Variants in ZCCHC17 observed in about 807,000 individuals in gnomAD.
The protein encoded by ZCCHC17 is zinc finger CCHC domain-containing protein 17.
ZCCHC17 carries 18 observed loss-of-function variants against 30.6 expected under a neutral mutation model. The ratio of observed to expected loss-of-function variants is 0.59; its 90% CI spans 0.41 to 0.87. The LOEUF (loss-of-function observed/expected upper bound fraction) is 0.87, where lower values mean the gene tolerates loss of function less well. Among genes scored for constraint, ZCCHC17 ranks in the 40% least tolerant of loss-of-function variants. The probability of loss-of-function intolerance (pLI) is 0.00; values close to 1 mark genes in which losing one functional copy is unlikely to be tolerated. For missense variants in ZCCHC17, 263 were observed against 284.2 expected, an observed-to-expected ratio of 0.93 and a Z score of 0.54; for synonymous variants, 88 against 92.4, an observed-to-expected ratio of 0.95 and a Z score of 0.27.
At chr1:31,336,078 T>C (rs560237688) in intron 3 of ZCCHC17, among the ~76,000 whole-genome samples, 2 of 152,112 alleles carry the variant, frequency 1.3e-5, no homozygotes, top group African/African-American at 2.4e-5. Context: ...ATGTATGTAT[T>C]TATTTATTTG....
At chr1:31,355,984 T>G (rs1639630309) in intron 7 of ZCCHC17, among the ~76,000 whole-genome samples, 1 of 152,184 alleles carries the variant, frequency 6.6e-6, no homozygotes, top group South Asian at 2.1e-4. Flanking sequence ...GAGCCAAATA[T>G]GGAACTGAGT....
At chr1:31,309,496 G>A (rs1334348983) in intron 1 of ZCCHC17, among the ~76,000 whole-genome samples, 7 of 152,000 alleles carry the variant, frequency 4.6e-5, no homozygotes, top group African/African-American at 1.7e-4. Context: ...TGTATTTTTA[G>A]TAGAGATGGG....
chr1:31,310,713 A>G (rs1646580152), intron 2 of ZCCHC17, among the ~76,000 whole-genome samples: 1 of 152,262 alleles, frequency 6.6e-6, no homozygotes, highest in Admixed American at 6.5e-5. Context: ...TCATTTCTTT[A>G]TAAATTATCC....
At chr1:31,308,432 G>A (rs4949203) in intron 1 of ZCCHC17, among the ~76,000 whole-genome samples, 119,051 of 152,120 alleles carry the variant, frequency 0.78, 46,994 homozygotes, top group African/African-American at 0.84. Flanking sequence ...ATTGTAAATC[G>A]GGAATACTTA....
chr1:31,347,573 C>T (rs1374549157), intron 6 of ZCCHC17, among the ~76,000 whole-genome samples: 1 of 152,168 alleles, frequency 6.6e-6, no homozygotes, highest in African/African-American at 2.4e-5. Flanking sequence ...ATTTCCCTGC[C>T]AGGTGCCACC....
chr1:31,342,515 A>G (rs1230530385), intron 5 of ZCCHC17, among the ~76,000 whole-genome samples: 1 of 152,098 alleles, frequency 6.6e-6, no homozygotes, highest in African/African-American at 2.4e-5. Flanking sequence ...TTGGGATGAA[A>G]CCGTTCCACC....
intron 7 of ZCCHC17, among the ~76,000 whole-genome samples, chr1:31,354,246 T>TTC (rs1207833891): frequency 1.3e-5 from 2 of 152,336 alleles, no homozygotes; most frequent in East Asian, 3.9e-4. Context: ...TCCTTGCTAC[T>TTC]GTATAGAAAC....
chr1:31,313,152 A>G (rs1204878141), intron 2 of ZCCHC17, among the ~76,000 whole-genome samples: 1 of 142,308 alleles, frequency 7.0e-6, no homozygotes, highest in Admixed American at 7.6e-5. Flanking sequence ...TGATTTGGCT[A>G]ACTGCAACTT....
intron 7 of ZCCHC17, among the ~76,000 whole-genome samples, chr1:31,363,104 TCTTTTA>T (rs1639981607): frequency 6.6e-6 from 1 of 152,184 alleles, no homozygotes; most frequent in South Asian, 2.1e-4. Flanking sequence ...ATGTCTTGGT[TCTTTTA>T]CTTAACATGT....
chr1:31,345,385 T>A (rs924251307), intron 5 of ZCCHC17, among the ~76,000 whole-genome samples: 2 of 150,882 alleles, frequency 1.3e-5, no homozygotes, highest in African/African-American at 4.9e-5. Flanking sequence ...CTCGATCTCC[T>A]GACCTTATGA....
chr1:31,310,129 A>G lies in ZCCHC17; in HGVS notation c.31A>G (p.Asn11Asp), dbSNP rs1646563720. ...TTCAGGAAGGCCTGAGACCATGGAA[A>G]ACTTGCCTGCTCTCTACACTATTTT... The part of the protein sequence containing the change: MNSGRPETME[N>D]LPALYTIFQG... The change falls in exon 2 of 8, where the codon AAC becomes GAC. Residue 11 changes from asparagine (N) to aspartate (D), a missense_variant. Coordinates refer to ENST00000344147, the MANE Select transcript of ZCCHC17 (RefSeq NM_016505.4). The G allele has an allele frequency of 6.2e-7, 1 of 1,614,024 alleles. No homozygotes were observed. Among genetic ancestry groups the G allele is most frequent in the Non-Finnish European group, 8.5e-7 (1 of 1,180,030 alleles).
chr1:31,337,316 G>A (rs1270743998), intron 4 of ZCCHC17, 41 bp downstream of exon 4: 1 of 1,543,752 alleles, frequency 6.5e-7, no homozygotes, highest in Non-Finnish European at 8.9e-7. Context: ...GAAAGGATTA[G>A]GAAGAGCTGG....
At position 31,310,045 on chromosome 1, in the gene ZCCHC17, A is replaced by G. The variant is rs886236132; in HGVS notation, c.-54A>G. The G allele has an allele frequency of 3.2e-6, 5 of 1,561,998 alleles. No individual in the cohort carries two copies. Among genetic ancestry groups the G allele is most frequent in the Non-Finnish European group, 4.4e-6 (5 of 1,137,994 alleles). On this transcript the variant is annotated splice_region_variant and 5_prime_UTR_variant, in exon 2 of 8. Transcript: ENST00000344147. Reference sequence around the variant, plus strand: ...TGGTGTCTGATTTCTTTATGACAGGACACTTGTATTAGCTTTAATAGAAGA... The same window carrying G: ...TGGTGTCTGATTTCTTTATGACAGGGCACTTGTATTAGCTTTAATAGAAGA...
At chr1:31,359,823 T>C (rs1431879357) in intron 7 of ZCCHC17, among the ~76,000 whole-genome samples, 1 of 152,228 alleles carries the variant, frequency 6.6e-6, no homozygotes, top group Non-Finnish European at 1.5e-5. Flanking sequence ...TTTAATTTTC[T>C]ATTTCCATCT....
intron 5 of ZCCHC17, among the ~76,000 whole-genome samples, chr1:31,344,948 T>C (rs979469484): frequency 5.3e-5 from 8 of 151,588 alleles, no homozygotes; most frequent in African/African-American, 1.9e-4. Context: ...AACCTCAATC[T>C]TGCAGGCTTA....
intron 3 of ZCCHC17, among the ~76,000 whole-genome samples, chr1:31,334,335 CTCTGTGTGTGTGTGTG>C (rs1270564005): frequency 1.2e-4 from 7 of 56,754 alleles, no homozygotes; most frequent in East Asian, 8.0e-4. Context: ...CTCTCTCTCT[CTCTGTGTGTGTGTGTG>C]TGTGTGTGTG....
At chr1:31,321,221 G>A (rs1006659238) in intron 3 of ZCCHC17, among the ~76,000 whole-genome samples, 2 of 152,066 alleles carry the variant, frequency 1.3e-5, no homozygotes, top group Admixed American at 1.3e-4. Context: ...GCCCCATCCT[G>A]TTCTCATCAT....
intron 3 of ZCCHC17, 125 bp from the exon 4 acceptor site, chr1:31,337,050 C>A: frequency 1.3e-6 from 1 of 787,600 alleles, no homozygotes; most frequent in Non-Finnish European, 2.0e-6. Context: ...TTTTAAGTTT[C>A]ACGCTTTTCA....
chr1:31,324,568 C>T (rs1638262352), intron 3 of ZCCHC17, among the ~76,000 whole-genome samples: 1 of 152,254 alleles, frequency 6.6e-6, no homozygotes, highest in African/African-American at 2.4e-5. Context: ...CCTGGACTCT[C>T]CAAGCTCCCG....
Sources: allele counts gnomAD v4.1 joint callset (sites outside exome capture counted in the v4.1 genomes callset), GRCh38; gene constraint gnomAD v4.1.1; transcripts MANE v1.5; gene names NCBI Gene and HGNC (gene_info 2026-07-23, HGNC 2026-07-21).